The following SMG7 variants were observed in gnomAD, a reference collection of about 807,000 sequenced individuals.
SMG7 encodes the protein nonsense-mediated mRNA decay factor SMG7.
In SMG7, 34 loss-of-function variants were observed where a neutral mutation model predicts 148.2. That is an observed-to-expected ratio of 0.23 (90% confidence interval 0.17 to 0.31). The LOEUF (loss-of-function observed/expected upper bound fraction) is 0.31. Ranked by LOEUF, SMG7 falls within the 10% of genes least tolerant of loss-of-function variation. The pLI is 1.00. For missense variants in SMG7, 1,114 were observed against 1,408.4 expected (o/e 0.79, Z 3.35); for synonymous variants, 492 against 515.1 (o/e 0.96, Z 0.61).
At chr1:183,478,005 T>C (rs1653101033) in intron 1 of SMG7, among the ~76,000 whole-genome samples, 1 of 152,128 alleles carries the variant, frequency 6.6e-6, no homozygotes, top group South Asian at 2.1e-4. Flanking sequence ...AAAATAAAAA[T>C]GTATCACTAT....
rs545517949 is a variant in SMG7, at chr1:183,522,648, T to C, written c.313-3948T>C. 4.6e-5 allele frequency among the ~76,000 whole-genome samples: 7 copies of C among 152,360 alleles called. No homozygotes were observed. In the East Asian group the frequency reaches 1.3e-3, roughly 29 times the overall value. On this transcript the variant is annotated intron_variant, in intron 4 of 22. Transcript: ENST00000688051. ...AGATGATGGTTCATCTTATAATTTA[T>C]GGTGTCTTTGTATTGATGAAATGTA...
chr1:183,518,311 TTGA>T (rs1195777244), intron 4 of SMG7, among the ~76,000 whole-genome samples: 1 of 150,710 alleles, frequency 6.6e-6, no homozygotes, highest in East Asian at 1.9e-4. Context: ...TTTAAAAGGG[TTGA>T]TGTTTAGCTT....
intron 20 of SMG7, 73 bp downstream of exon 20, chr1:183,549,996 C>T (rs1257392745): frequency 2.1e-6 from 2 of 945,236 alleles, no homozygotes; most frequent in Non-Finnish European, 3.1e-6. Flanking sequence ...TAGTGAGATT[C>T]TGTAATTACA....
chr1:183,537,251 T>A (rs879560867), intron 11 of SMG7, 36 bp downstream of exon 11: 17 of 1,429,844 alleles, frequency 1.2e-5, no homozygotes, highest in Non-Finnish European at 1.7e-5. Context: ...GTTGATGTGG[T>A]TCTCCATCAT....
At chr1:183,494,613 A>AT (rs1388306888) in intron 1 of SMG7, among the ~76,000 whole-genome samples, 1 of 150,016 alleles carries the variant, frequency 6.7e-6, no homozygotes, top group Non-Finnish European at 1.5e-5. Context: ...AAAAAAACGT[A>AT]TTTTTTTCAC....
intron 4 of SMG7, among the ~76,000 whole-genome samples, chr1:183,521,930 A>G (rs1470982763): frequency 6.6e-6 from 1 of 151,928 alleles, no homozygotes; most frequent in Non-Finnish European, 1.5e-5. Context: ...ACATGATCAG[A>G]TTTGCATTTT....
intron 10 of SMG7, among the ~76,000 whole-genome samples, chr1:183,536,555 A>G (rs530091608): frequency 5.9e-5 from 9 of 152,196 alleles, no homozygotes; most frequent in Non-Finnish European, 1.0e-4. Context: ...TATAGTACGT[A>G]CTTCTGAATA....
chr1:183,529,818 T>G (rs1666546234), intron 8 of SMG7, among the ~76,000 whole-genome samples: 1 of 152,152 alleles, frequency 6.6e-6, no homozygotes. Context: ...TTGAAACTAC[T>G]ACTACTTTTG....
chr1:183,516,134 T>C, intron 3 of SMG7, 143 bp downstream of exon 3: 1 of 627,826 alleles, frequency 1.6e-6, no homozygotes, highest in Non-Finnish European at 2.8e-6. Context: ...ATTTGTGATA[T>C]TTGGCCATTG....
intron 1 of SMG7, among the ~76,000 whole-genome samples, chr1:183,509,606 A>C (rs1661699490): frequency 6.6e-6 from 1 of 152,190 alleles, no homozygotes; most frequent in African/African-American, 2.4e-5. Flanking sequence ...GTTACTTTTA[A>C]AAAGAAAGCT....
At chr1:183,489,296 T>C (rs567542471) in intron 1 of SMG7, among the ~76,000 whole-genome samples, 3 of 152,274 alleles carry the variant, frequency 2.0e-5, no homozygotes, top group South Asian at 4.1e-4. Flanking sequence ...ATTCTCGGGT[T>C]CTTGTCAGAT....
intron 1 of SMG7, chr1:183,472,947 G>A (rs1402940704): frequency 7.9e-6 from 3 of 379,110 alleles, no homozygotes; most frequent in African/African-American, 4.2e-5. Flanking sequence ...CTAGCGAGGG[G>A]TGGAGAGAAA....
Position 183,526,724 on chromosome 1 carries a change from T to C in SMG7, c.441T>C (p.Cys147=), listed in dbSNP as rs564819393. The C allele has an allele frequency of 1.9e-5, 31 of 1,613,718 alleles. No individual in the cohort carries two copies. The African/African-American group carries it at 4.0e-4, about 21-fold the overall frequency. ...TAGTGAAGCCACAGTCTAGCTCCTG[T>C]TCCTATATCTGCCAGCACTGCCTCG... ...SAIVKPQSSS[C]SYICQHCLVH... Residue 147 remains cysteine (C), a synonymous_variant, in exon 5 of 23, where the codon TGT becomes TGC. Transcript: ENST00000688051.
chr1:183,516,164 C>A, intron 3 of SMG7, 173 bp downstream of exon 3: 1 of 557,320 alleles, frequency 1.8e-6, no homozygotes, highest in Non-Finnish European at 3.2e-6. Flanking sequence ...CAAATACAGT[C>A]TTTGGAGGAG....
intron 13 of SMG7, 141 bp from the exon 14 acceptor site, chr1:183,541,932 GTGT>G: frequency 1.5e-6 from 1 of 671,344 alleles, no homozygotes; most frequent in Non-Finnish European, 2.5e-6. Flanking sequence ...ACTACTTTTT[GTGT>G]TACCTGAATC....
intron 1 of SMG7, among the ~76,000 whole-genome samples, chr1:183,492,893 C>T (rs901068955): frequency 2.6e-5 from 4 of 152,034 alleles, no homozygotes; most frequent in Non-Finnish European, 5.9e-5. Flanking sequence ...TATATGTTTC[C>T]GTTTTCATTT....
intron 1 of SMG7, among the ~76,000 whole-genome samples, chr1:183,473,460 G>C (rs188502525): frequency 2.6e-5 from 4 of 152,134 alleles, no homozygotes; most frequent in Admixed American, 1.3e-4. Context: ...GGGGCGCGGC[G>C]ATTGATGCAC....
chr1:183,476,223 C>T (rs894618925), intron 1 of SMG7, among the ~76,000 whole-genome samples: 4 of 152,030 alleles, frequency 2.6e-5, no homozygotes, highest in Non-Finnish European at 4.4e-5. Context: ...GGGAGGATGC[C>T]GAGTATTGCT....
intron 2 of SMG7, chr1:183,513,175 C>T (rs997004963): frequency 3.8e-6 from 1 of 263,688 alleles, no homozygotes; most frequent in Non-Finnish European, 6.9e-6. Context: ...GAAAAAATAA[C>T]ATACCCCATA....
Sources: allele counts gnomAD v4.1 joint callset (sites outside exome capture counted in the v4.1 genomes callset), GRCh38; gene constraint gnomAD v4.1.1; transcripts MANE v1.5; gene names NCBI Gene and HGNC (gene_info 2026-07-23, HGNC 2026-07-21).